The following EPC2 variants were observed in gnomAD, a reference collection of about 807,000 sequenced individuals.
EPC2 encodes enhancer of polycomb homolog 2.
EPC2 carries 14 observed loss-of-function variants against 92.1 expected under a neutral mutation model. The observed-to-expected ratio is 0.15, with a 90% CI of 0.10 to 0.24. The LOEUF (loss-of-function observed/expected upper bound fraction) is 0.24, where lower values mean the gene tolerates loss of function less well. Among genes scored for constraint, EPC2 ranks in the 10% least tolerant of loss-of-function variants. The probability of loss-of-function intolerance (pLI) is 1.00; values close to 1 mark genes in which losing one functional copy is unlikely to be tolerated. For missense variants in EPC2, 755 were observed against 971.5 expected (o/e 0.78, Z 2.96); for synonymous variants, 340 against 334.7 (o/e 1.02, Z -0.17).
chr2:148,721,640 C>G (rs1267729451), intron 2 of EPC2, among the ~76,000 whole-genome samples: 1 of 150,620 alleles, frequency 6.6e-6, no homozygotes, highest in Non-Finnish European at 1.5e-5. Context: ...TGTTGCTTCA[C>G]ATGTTGCTTG....
intron 10 of EPC2, among the ~76,000 whole-genome samples, chr2:148,779,179 T>G (rs1475976180): frequency 6.6e-6 from 1 of 152,202 alleles, no homozygotes; most frequent in East Asian, 1.9e-4. Context: ...GTTTTTAATA[T>G]GTACACAAAT....
In EPC2 at chr2:148,743,637, A is replaced by G. The variant is rs1483634008; in HGVS notation, c.329A>G (p.Asn110Ser). 2 of 1,577,998 alleles carry G rather than the reference A, an allele frequency of 1.3e-6. No individual in the cohort carries two copies. The highest frequency in any genetic ancestry group is 1.4e-5 in the African/African-American group (1 of 72,798). Reference sequence around the variant, plus strand: ...TCTTTTCTAGCTTTTAATCTAGACAACGAGCAACCAGATTATGATATGGAT... The same window carrying G: ...TCTTTTCTAGCTTTTAATCTAGACAGCGAGCAACCAGATTATGATATGGAT... ...FIHIQPFNLD[N>S]EQPDYDMDSE... Residue 110 changes from asparagine (N) to serine (S), a missense_variant, in exon 3 of 14, where the codon AAC becomes AGC. Coordinates refer to ENST00000258484, the MANE Select transcript of EPC2 (RefSeq NM_015630.4).
intron 2 of EPC2, among the ~76,000 whole-genome samples, chr2:148,710,652 G>A (rs910342990): frequency 6.6e-6 from 1 of 151,676 alleles, no homozygotes; most frequent in Non-Finnish European, 1.5e-5. Flanking sequence ...ATACACCATG[G>A]AATACTATGC....
intron 1 of EPC2, among the ~76,000 whole-genome samples, chr2:148,671,959 C>A (rs1008803053): frequency 6.6e-6 from 1 of 151,934 alleles, no homozygotes; most frequent in African/African-American, 2.4e-5. Context: ...TGTTGATATG[C>A]CTGAATATGT....
chr2:148,715,789 A>C (rs1682248005), intron 2 of EPC2, among the ~76,000 whole-genome samples: 1 of 152,220 alleles, frequency 6.6e-6, no homozygotes. Context: ...TGGGAATAGC[A>C]TTGAATCTAT....
At chr2:148,649,904 T>G (rs1680638499) in intron 1 of EPC2, among the ~76,000 whole-genome samples, 2 of 152,202 alleles carry the variant, frequency 1.3e-5, no homozygotes, top group South Asian at 4.1e-4. Flanking sequence ...AAGTGTAGTT[T>G]TTTCATTACT....
At chr2:148,687,820 GCTTT>G (rs1381465845) in intron 1 of EPC2, among the ~76,000 whole-genome samples, 3 of 152,008 alleles carry the variant, frequency 2.0e-5, no homozygotes, top group African/African-American at 7.3e-5. Context: ...CTGTCTCTCT[GCTTT>G]CTTTAACGGT....
chr2:148,671,616 C>G (rs895530073), intron 1 of EPC2, among the ~76,000 whole-genome samples: 11 of 151,724 alleles, frequency 7.3e-5, no homozygotes, highest in Non-Finnish European at 4.4e-5. Flanking sequence ...CCCATCCCCC[C>G]AAAAAAAGTC....
intron 2 of EPC2, among the ~76,000 whole-genome samples, chr2:148,703,154 CTTG>C (rs756150505): frequency 2.0e-5 from 3 of 151,868 alleles, no homozygotes; most frequent in Non-Finnish European, 2.9e-5. Context: ...ATTTTTTTTC[CTTG>C]TTGTCCATTT....
chr2:148,703,518 T>G (rs973715227), intron 2 of EPC2, among the ~76,000 whole-genome samples: 3 of 151,626 alleles, frequency 2.0e-5, no homozygotes, highest in African/African-American at 7.3e-5. Flanking sequence ...AAAATGAGGG[T>G]TTTTGTTCTT....
intron 1 of EPC2, among the ~76,000 whole-genome samples, chr2:148,689,435 C>T (rs974022343): frequency 3.9e-5 from 6 of 152,118 alleles, no homozygotes; most frequent in African/African-American, 1.4e-4. Flanking sequence ...ATCTTGGCCT[C>T]CCAAAGTGCT....
At chr2:148,758,649 G>A (rs550054310) in intron 4 of EPC2, among the ~76,000 whole-genome samples, 1 of 152,264 alleles carries the variant, frequency 6.6e-6, no homozygotes, top group South Asian at 2.1e-4. Context: ...GCCCGCCTCG[G>A]CCTTCCAAAG....
chr2:148,655,484 T>C lies in EPC2; in HGVS notation c.153+10314T>C, dbSNP rs185773080. ...CAGAATCTACAGTTGGATCTAGTTA[T>C]TGTAAATTCAAAATAATGATAAATA... On this transcript the variant is annotated intron_variant, in intron 1 of 13. Transcript: ENST00000258484. 7.9e-3 allele frequency among the ~76,000 whole-genome samples: 1,198 copies of C among 152,374 alleles called. 10 individuals carry two copies. The highest frequency in any genetic ancestry group is 0.014 in the Non-Finnish European group (963 of 68,028).
chr2:148,692,694 A>G (rs987543147), intron 2 of EPC2: 14 of 152,214 alleles, frequency 9.2e-5, no homozygotes, highest in African/African-American at 2.9e-4. Flanking sequence ...AAGCCAAAGT[A>G]TCAATTATTT....
At chr2:148,672,629 T>C (rs910299005) in intron 1 of EPC2, among the ~76,000 whole-genome samples, 2 of 152,138 alleles carry the variant, frequency 1.3e-5, no homozygotes, top group African/African-American at 2.4e-5. Flanking sequence ...CTTAATATTA[T>C]AGTGTCAAAA....
intron 10 of EPC2, 57 bp from the exon 11 acceptor site, chr2:148,781,587 G>T: frequency 1.3e-6 from 2 of 1,501,072 alleles, no homozygotes; most frequent in South Asian, 2.4e-5. Flanking sequence ...TATTCTGCTT[G>T]TGTTATTAAA....
intron 2 of EPC2, among the ~76,000 whole-genome samples, chr2:148,706,665 A>C (rs933544016): frequency 2.6e-5 from 4 of 152,246 alleles, no homozygotes. Context: ...GAAATCCTAC[A>C]AGCCAGAAGA....
intron 2 of EPC2, among the ~76,000 whole-genome samples, chr2:148,742,362 T>C (rs1682894745): frequency 6.6e-6 from 1 of 152,210 alleles, no homozygotes; most frequent in African/African-American, 2.4e-5. Context: ...ATTATCAAGT[T>C]TTAGATCTTT....
chr2:148,668,028 A>G (rs543701675), intron 1 of EPC2, among the ~76,000 whole-genome samples: 53 of 152,068 alleles, frequency 3.5e-4, no homozygotes, highest in African/African-American at 1.1e-3. Flanking sequence ...TCTCCCAAGT[A>G]GCTGGGACTA....
Sources: gnomAD v4.1 joint callset for allele counts (sites outside exome capture counted in the v4.1 genomes callset) on GRCh38, gnomAD v4.1.1 for gene constraint, MANE v1.5 for transcripts, NCBI Gene and HGNC (gene_info 2026-07-23, HGNC 2026-07-21) for gene names.